HID1: variants seen among roughly 807,000 people sequenced by gnomAD.
The protein encoded by HID1 is HID1 domain containing, also known as protein HID1.
HID1 carries 42 observed loss-of-function variants against 89.7 expected under a neutral mutation model. That is an observed-to-expected ratio of 0.47 (90% CI 0.37 to 0.61). HID1 has a LOEUF of 0.61. HID1 is among the 20% of genes least tolerant of loss of function. The pLI, the probability that HID1 is intolerant of heterozygous loss-of-function variation, is 0.00. For missense variants in HID1, 854 were observed against 1,039.3 expected, an observed-to-expected ratio of 0.82 and a Z score of 2.45; for synonymous variants, 442 against 433.8, an observed-to-expected ratio of 1.02 and a Z score of -0.24.
Position 74,972,448 on chromosome 17 carries a change from T to G in HID1, c.66+143A>C. The G allele has an allele frequency of 2.7e-6, 2 of 743,216 alleles. No homozygotes were observed. The highest frequency in any genetic ancestry group is 4.2e-6 in the Non-Finnish European group (2 of 471,390). The allele number at this position is 743,216 out of a possible 1,614,324, so 46.0% of individuals were successfully genotyped here. A position where few individuals can be genotyped will look rare whatever the true frequency, so the allele number is the denominator to read the frequency against. On this transcript the variant is annotated intron_variant, in intron 1 of 18. Transcript: ENST00000425042. The surrounding 1 kb of genome is among the most constrained non-coding windows in gnomAD (Gnocchi z 6.4). ...GAGCTTCCAGGTACAGGCCGCGGGG[T>G]CCCGTTCCGGCGCTGGCCTTGGCGT...
chr17:74,961,610 T>C (rs934353183), intron 6 of HID1: 10 of 252,752 alleles, frequency 4.0e-5, no homozygotes, highest in African/African-American at 2.0e-4. Context: ...ATTGCACTCG[T>C]GGTTTGCATT....
intron 1 of HID1, among the ~76,000 whole-genome samples, chr17:74,965,777 C>T (rs2039553078): frequency 1.3e-5 from 2 of 151,404 alleles, no homozygotes; most frequent in African/African-American, 2.4e-5. Flanking sequence ...ATTAGCCAGG[C>T]GTGGTGGCAG....
chr17:74,968,255 G>A (rs893804233), intron 1 of HID1, among the ~76,000 whole-genome samples: 2 of 123,200 alleles, frequency 1.6e-5, no homozygotes, highest in Admixed American at 9.3e-5. Flanking sequence ...CTGGGTGCAC[G>A]TGCCTTGAAG....
chr17:74,963,604 C>T (rs994652282), intron 3 of HID1, 136 bp downstream of exon 3: 3 of 835,812 alleles, frequency 3.6e-6, no homozygotes, highest in Non-Finnish European at 5.5e-6. Flanking sequence ...CACCATCCCT[C>T]AGCAGCACCC....
In HID1 at chr17:74,962,235, G is replaced by A; in HGVS notation, c.610C>T (p.Arg204Trp). ...GCTCCGGGCCTGGGCGAAGCTCACC[G>A]GTTCATATCGTGGATGTAGTTAGGC... is the stretch of plus-strand genomic sequence containing the variant. ...PQPNYIHDMN[R>W]MELLKLLLTC... is the part of the protein sequence containing the mutation. The change falls in exon 5 of 19, where the codon CGG (arginine) becomes TGG (tryptophan). Residue 204 changes from arginine to tryptophan, a missense_variant and splice_region_variant. Physicochemically the swap from Arg to Trp is moderately radical, Grantham distance 101. Coordinates refer to ENST00000425042, the MANE Select transcript of HID1 (RefSeq NM_030630.3). This position sits in a 1 kb window ranked among gnomAD's most constrained non-coding sequence, Gnocchi z 4.3. The A allele has an allele frequency of 1.9e-6, 3 of 1,604,370 alleles. No homozygotes were observed. Among genetic ancestry groups the A allele is most frequent in the Non-Finnish European group, 1.7e-6 (2 of 1,172,518 alleles).
At chr17:74,961,243 G>T (rs1012343480) in intron 6 of HID1, among the ~76,000 whole-genome samples, 6 of 152,008 alleles carry the variant, frequency 3.9e-5, no homozygotes, top group African/African-American at 7.2e-5. Flanking sequence ...TGGGTTATAT[G>T]AAATATATTA....
At chr17:74,954,094 C>A (rs770008148) in intron 14 of HID1, 44 bp downstream of exon 14, 2 of 1,524,046 alleles carry the variant, frequency 1.3e-6, no homozygotes, top group Non-Finnish European at 1.8e-6. Flanking sequence ...CCTCCCCCAG[C>A]CACACCAGTA....
In HID1 at chr17:74,958,701, G is replaced by A. The variant is rs752064602; in HGVS notation, c.1212C>T (p.Phe404=). The change falls in exon 10 of 19, where the codon TTC becomes TTT. Residue 404 remains phenylalanine, a synonymous_variant. Coordinates refer to ENST00000425042, the MANE Select transcript of HID1 (RefSeq NM_030630.3). This position sits in a 1 kb window ranked among gnomAD's most constrained non-coding sequence, Gnocchi z 5.2. ...DVLDILVPIL[F]FLNDARADQS... ...GATCGGCCCGGGCATCGTTGAGGAA[G>A]AAGAGGATGGGGACAAGGATGTCTA... 1.2e-6 allele frequency: 2 copies of A among 1,605,644 alleles called. No individual in the cohort carries two copies. Among genetic ancestry groups the A allele is most frequent in the Non-Finnish European group, 1.7e-6 (2 of 1,174,796 alleles).
At chr17:74,971,773 G>A (rs1228478369) in intron 1 of HID1, among the ~76,000 whole-genome samples, 2 of 152,226 alleles carry the variant, frequency 1.3e-5, no homozygotes, top group Non-Finnish European at 2.9e-5. Flanking sequence ...GGTATAAGGA[G>A]GTGGCTATTG....
Position 74,962,813 on chromosome 17 carries a change from T to A in HID1, c.504+152A>T. On this transcript the variant is annotated intron_variant, in intron 4 of 18. Coordinates refer to ENST00000425042, the MANE Select transcript of HID1 (RefSeq NM_030630.3). The surrounding 1 kb of genome is among the most constrained non-coding windows in gnomAD (Gnocchi z 4.3). Reference sequence around the variant, plus strand: ...GCTGGCTTCCCTCAGCTGTACCAGCTGCCACCCAGGCCTACATGTGCCAGG... The same window carrying A: ...GCTGGCTTCCCTCAGCTGTACCAGCAGCCACCCAGGCCTACATGTGCCAGG... 1 of 623,978 alleles carries A rather than the reference T, an allele frequency of 1.6e-6. No individual in the cohort carries two copies. 38.7% of individuals were successfully genotyped at this position (623,978 alleles called of 1,614,324 possible).
rs140618418 is a variant in HID1, at chr17:74,952,344, G to A, written c.2069C>T (p.Ser690Leu). The A allele has an allele frequency of 3.5e-5, 56 of 1,613,748 alleles. No individual in the cohort carries two copies. In the African/African-American group the frequency reaches 6.0e-4, roughly 17 times the overall value. Residue 690 changes from serine to leucine, a missense_variant, in exon 17 of 19, where the codon TCG becomes TTG. Coordinates refer to ENST00000425042, the MANE Select transcript of HID1 (RefSeq NM_030630.3). ...PTPEWVLSWK[S>L]KLPLQTIMRL... is the part of the protein sequence containing the mutation. ...CATGATGGTCTGCAGCGGCAGCTTC[G>A]ACTTCCAGGAGAGGACCTGGCGAGG... is the stretch of plus-strand genomic sequence containing the variant.
intron 13 of HID1, 64 bp from the exon 14 acceptor site, chr17:74,954,429 G>A: frequency 6.5e-7 from 1 of 1,545,470 alleles, no homozygotes; most frequent in South Asian, 1.2e-5. Context: ...TCCAATCTGG[G>A]TGGGCTTCCT....
Position 74,952,039 on chromosome 17 carries a change from G to T in HID1, c.2169C>A (p.Ile723=), listed in dbSNP as rs1280771768. 7 of 1,558,622 alleles carry T rather than the reference G, an allele frequency of 4.5e-6. No homozygotes were observed. The highest frequency in any genetic ancestry group is 6.1e-6 in the Non-Finnish European group (7 of 1,150,800). ...IDKGLTDESE[I]LRFLQHGTLV... ...GGGTGCCATGCTGCAGGAACCGCAG[G>T]ATCTCAGACTCATCCGTCAGGCCCC... is the stretch of plus-strand genomic sequence containing the variant. The change falls in exon 18 of 19, where the codon ATC becomes ATA. Residue 723 remains isoleucine (I), a synonymous_variant. Transcript: ENST00000425042.
intron 1 of HID1, among the ~76,000 whole-genome samples, chr17:74,971,365 C>T (rs1027598344): frequency 6.6e-6 from 1 of 152,216 alleles, no homozygotes; most frequent in Admixed American, 6.5e-5. Context: ...ACCCAGGAGC[C>T]GTAGGGAATG....
chr17:74,971,475 G>A (rs2039646765), intron 1 of HID1, among the ~76,000 whole-genome samples: 1 of 152,222 alleles, frequency 6.6e-6, no homozygotes, highest in Non-Finnish European at 1.5e-5. Flanking sequence ...TTCCAGGGTG[G>A]GGAAAGGGGT....
chr17:74,960,675 G>A (rs529187073), intron 6 of HID1, among the ~76,000 whole-genome samples: 1 of 152,236 alleles, frequency 6.6e-6, no homozygotes, highest in Non-Finnish European at 1.5e-5. Flanking sequence ...GCCTGATAAG[G>A]CTGGTGAGAA....
In HID1 at chr17:74,961,993, G is replaced by A; in HGVS notation, c.612-4C>T. On this transcript the variant is annotated splice_polypyrimidine_tract_variant and splice_region_variant and intron_variant, in intron 5 of 18. Coordinates refer to ENST00000425042, the MANE Select transcript of HID1 (RefSeq NM_030630.3). Reference sequence around the variant, plus strand: ...CAGCAGTTTCAGCAGCTCCATCCTTGTAGGAGGAAGGGGGAGGGCACCTTA... The same window carrying A: ...CAGCAGTTTCAGCAGCTCCATCCTTATAGGAGGAAGGGGGAGGGCACCTTA... 1 of 1,563,016 alleles carries A rather than the reference G, an allele frequency of 6.4e-7. No homozygotes were observed. Among genetic ancestry groups the A allele is most frequent in the Non-Finnish European group, 8.7e-7 (1 of 1,154,588 alleles).
At chr17:74,956,055 T>TCCCTG in intron 12 of HID1, 99 bp from the exon 13 acceptor site, 2 of 1,232,404 alleles carry the variant, frequency 1.6e-6, no homozygotes, top group Non-Finnish European at 2.3e-6. Context: ...TCTCAATCCC[T>TCCCTG]CCCTGCCCCC....
chr17:74,951,750 G>C, intron 18 of HID1, 117 bp from the exon 19 acceptor site: 1 of 1,353,506 alleles, frequency 7.4e-7, no homozygotes, highest in Non-Finnish European at 1.0e-6. Flanking sequence ...GTCCCACCCT[G>C]GGCAGCGGGT....
Sources: gnomAD v4.1 joint callset for allele counts (sites outside exome capture counted in the v4.1 genomes callset) on GRCh38, gnomAD v4.1.1 for gene constraint, Gnocchi (gnomAD v3.1) non-coding constraint, MANE v1.5 for transcripts, NCBI Gene and HGNC (gene_info 2026-07-23, HGNC 2026-07-21) for gene names.